Variants in LCT observed in about 807,000 individuals in gnomAD.
The protein encoded by LCT is lactase/phlorizin hydrolase.
In LCT, 90 loss-of-function variants were observed where a neutral mutation model predicts 173.0. The ratio of observed to expected loss-of-function variants is 0.52; its 90% CI spans 0.44 to 0.62. The LOEUF is 0.62. LCT is among the 20% of genes least tolerant of loss of function. LCT has a pLI of 0.00. For missense variants in LCT, 1,864 were observed against 2,431.4 expected, an observed-to-expected ratio of 0.77 and a Z score of 4.91; for synonymous variants, 853 against 957.6, an observed-to-expected ratio of 0.89 and a Z score of 2.02.
At chr2:135,808,136 C>T (rs1421456344) in intron 8 of LCT, among the ~76,000 whole-genome samples, 2 of 152,126 alleles carry the variant, frequency 1.3e-5, no homozygotes, top group South Asian at 2.1e-4. Context: ...TTGTTCATTG[C>T]TGTATTCCCA....
chr2:135,833,438 CTTCTT>C (rs1439043453), intron 1 of LCT, among the ~76,000 whole-genome samples: 1 of 99,272 alleles, frequency 1.0e-5, no homozygotes, highest in Non-Finnish European at 1.8e-5. Context: ...CCTTCCTAAA[CTTCTT>C]TTTTTTTTTT....
intron 5 of LCT, chr2:135,821,665 T>A (rs1413661833): frequency 7.0e-6 from 2 of 285,368 alleles, no homozygotes; most frequent in Non-Finnish European, 1.3e-5. Flanking sequence ...ATTTTTGTAA[T>A]TTTTTGTAGA....
intron 8 of LCT, 126 bp from the exon 9 acceptor site, chr2:135,807,522 A>T (rs2077687260): frequency 1.2e-6 from 1 of 847,444 alleles, no homozygotes; most frequent in Non-Finnish European, 2.0e-6. Context: ...ACCCTGAGAG[A>T]CCAACAGATC....
At position 135,829,579 on chromosome 2, in the gene LCT, AG is replaced by A; in HGVS notation, c.804+13del. 1 of 1,593,812 alleles carries A rather than the reference AG, an allele frequency of 6.3e-7. No homozygotes were observed. The highest frequency in any genetic ancestry group is 1.3e-5 in the African/African-American group (1 of 74,570). Reference sequence around the variant, plus strand: ...GCTGCATTCATCATTAATGTGGAAAAGGGCTCAAATTACCTGCAATTTACTC... The same window carrying A: ...GCTGCATTCATCATTAATGTGGAAAAGGCTCAAATTACCTGCAATTTACTC... On this transcript the variant is annotated intron_variant, in intron 3 of 16. Transcript: ENST00000264162.
chr2:135,807,129 T>G lies in LCT; in HGVS notation c.4172A>C (p.Gln1391Pro), dbSNP rs771753468. Residue 1391 changes from glutamine to proline, a missense_variant and splice_region_variant, in exon 9 of 17, where the codon CAG (glutamine) becomes CCG (proline). Coordinates refer to ENST00000264162, the MANE Select transcript of LCT (RefSeq NM_002299.4). ...FIWSAASAAYQIEGAWRADGK... is the reference protein window; with the variant it reads ...FIWSAASAAYPIEGAWRADGK... ...GTCCCACCATCCTGAACTCCTCACC[T>G]GATATGCAGCAGAAGCTGCACTCCA... 4.3e-6 allele frequency: 7 copies of G among 1,614,194 alleles called. No individual in the cohort carries two copies. The highest frequency in any genetic ancestry group is 5.9e-6 in the Non-Finnish European group (7 of 1,180,016).
At chr2:135,807,036 G>A (rs939075107) in intron 9 of LCT, 92 bp downstream of exon 9, 4 of 1,431,564 alleles carry the variant, frequency 2.8e-6, no homozygotes, top group East Asian at 2.3e-5. Context: ...GGAATCTCCT[G>A]TTCATGCATC....
intron 13 of LCT, among the ~76,000 whole-genome samples, 155 bp from the exon 14 acceptor site, chr2:135,794,930 G>A (rs1029051175): frequency 3.1e-4 from 3 of 9,694 alleles, no homozygotes; most frequent in Admixed American, 1.6e-3. Context: ...TCCTTCAGGC[G>A]GTGCAGGAAG....
chr2:135,828,115 C>T (rs1348917640), intron 3 of LCT, among the ~76,000 whole-genome samples: 1 of 152,158 alleles, frequency 6.6e-6, no homozygotes, highest in African/African-American at 2.4e-5. Flanking sequence ...ACCTCCGCCT[C>T]CCAGGTTCAA....
chr2:135,836,840 C>A lies in LCT; in HGVS notation c.330G>T (p.Val110=). 7.4e-6 allele frequency: 12 copies of A among 1,614,176 alleles called. No individual in the cohort carries two copies. Among genetic ancestry groups the A allele is most frequent in the Non-Finnish European group, 9.3e-6 (11 of 1,180,020 alleles). ...CCTTGAGGAGTCGCCGGTAGCACTG[C>A]ACTGTTTTCTCGTCTGGATTCTGGG... ...GSTQNPDEKT[V]QCYRRLLKAL... The change falls in exon 1 of 17, where the codon GTG becomes GTT. Residue 110 remains valine, a synonymous_variant. Coordinates refer to ENST00000264162, the MANE Select transcript of LCT (RefSeq NM_002299.4).
intron 4 of LCT, chr2:135,822,717 T>C (rs2164210): frequency 0.52 from 80,704 of 156,696 alleles, 25,063 homozygotes; most frequent in Non-Finnish European, 0.71. Flanking sequence ...AGGTGTGCTA[T>C]GGTTTGGATG....
intron 11 of LCT, among the ~76,000 whole-genome samples, 178 bp downstream of exon 11, chr2:135,803,752 G>A (rs1297698520): frequency 6.6e-6 from 1 of 152,234 alleles, no homozygotes; most frequent in African/African-American, 2.4e-5. Context: ...ATTGAGATGT[G>A]AAATTCATGT....
chr2:135,790,703 C>G lies in LCT; in HGVS notation c.5290G>C (p.Ala1764Pro). Residue 1764 changes from alanine to proline, a missense_variant, in exon 15 of 17, where the codon GCA becomes CCA. Physicochemically the swap from Ala to Pro is conservative, Grantham distance 27. Coordinates refer to ENST00000264162, the MANE Select transcript of LCT (RefSeq NM_002299.4). The surrounding 1 kb of genome is among the most constrained non-coding windows in gnomAD (Gnocchi z 4.1). ...TAAGTCCGAAGGTAGTAGATCCTTG[C>G]AGTGTCATTGAGGTCTGTTTCTTCC... ...QREETDLNDT[A>P]RIYYLRTYIN... is the part of the protein sequence containing the mutation. The G allele has an allele frequency of 1.2e-6, 2 of 1,613,384 alleles. No homozygotes were observed. The highest frequency in any genetic ancestry group is 8.5e-7 in the Non-Finnish European group (1 of 1,179,912).
chr2:135,788,302 T>A lies in LCT; in HGVS notation c.*22A>T. ...AGATGAAGAAACTAGGCCTGCTTCA[T>A]AGAACTTGAGGTGGTAACTCATCAG... On this transcript the variant is annotated 3_prime_UTR_variant, in exon 17 of 17. Transcript: ENST00000264162. 1 of 1,569,736 alleles carries A rather than the reference T, an allele frequency of 6.4e-7. No homozygotes were observed. The highest frequency in any genetic ancestry group is 8.8e-7 in the Non-Finnish European group (1 of 1,142,144).
Position 135,823,961 on chromosome 2 carries a change from GT to G in LCT, c.846del (p.Lys282AsnfsTer9). 6.2e-7 allele frequency: 1 copy of G among 1,614,072 alleles called. No homozygotes were observed. The highest frequency in any genetic ancestry group is 8.5e-7 in the Non-Finnish European group (1 of 1,179,930). ...TTCATGGTGGAGGGGCAGTCTGGGA[GT>G]TTTAGGTTGAAGATGAAAACTTTCA... ...PKVKVFIFNL[K>X]LPDCPSTMKN... On this transcript the variant is annotated frameshift_variant, in exon 4 of 17. Coordinates refer to ENST00000264162, the MANE Select transcript of LCT (RefSeq NM_002299.4). LOFTEE classifies it high-confidence loss of function.
chr2:135,814,644 G>A (rs2077764465), intron 6 of LCT, among the ~76,000 whole-genome samples: 1 of 151,608 alleles, frequency 6.6e-6, no homozygotes, highest in African/African-American at 2.4e-5. Context: ...ATCCTCCAGA[G>A]TAGCTGGGAC....
chr2:135,794,876 C>A (rs1441041383), intron 13 of LCT, 101 bp from the exon 14 acceptor site: 1 of 1,366,126 alleles, frequency 7.3e-7, no homozygotes. Flanking sequence ...GAACCCCAGG[C>A]ACTTGGCAGT....
chr2:135,832,061 ACAAAATTAGC>A lies in LCT; in HGVS notation c.720+1040_720+1049del, dbSNP rs530677889. 1.7e-3 allele frequency among the ~76,000 whole-genome samples: 255 copies of A among 152,140 alleles called. 3 individuals are homozygous for A. The highest frequency in any genetic ancestry group is 5.9e-3 in the African/African-American group (246 of 41,502). ...GTGAAACCCCATCTCTACTAAAAAT[ACAAAATTAGC>A]CGGGCGTGGTGGTGCACACCTGTAA... is the stretch of plus-strand genomic sequence containing the variant. On this transcript the variant is annotated intron_variant, in intron 2 of 16. Coordinates refer to ENST00000264162, the MANE Select transcript of LCT (RefSeq NM_002299.4).
Position 135,817,538 on chromosome 2 carries a change from G to A in LCT, c.1510C>T (p.Leu504=). ...TLFHWDLPQA[L]QDHGGWQNES... ...TTCTGCCATCCACCATGATCCTGCA[G>A]GGCCTGAGGCAGGTCCCAGTGGAAC... is the stretch of plus-strand genomic sequence containing the variant. Residue 504 remains leucine, a synonymous_variant, in exon 6 of 17, where the codon CTG becomes TTG. Coordinates refer to ENST00000264162, the MANE Select transcript of LCT (RefSeq NM_002299.4). The A allele has an allele frequency of 1.2e-6, 2 of 1,614,162 alleles. No individual in the cohort carries two copies. Among genetic ancestry groups the A allele is most frequent in the Non-Finnish European group, 1.7e-6 (2 of 1,180,042 alleles).
Position 135,809,757 on chromosome 2 carries a change from G to T in LCT, c.2590C>A (p.Pro864Thr), listed in dbSNP as rs1206046835. The T allele has an allele frequency of 6.2e-7, 1 of 1,614,216 alleles. No individual in the cohort carries two copies. Among genetic ancestry groups the T allele is most frequent in the Admixed American group, 1.7e-5 (1 of 60,032 alleles). The change falls in exon 8 of 17, where the codon CCC becomes ACC. Residue 864 changes from proline to threonine, a missense_variant. This residue lies in a region of LCT where 755 missense variants were observed against 926.3 expected (regional missense o/e 0.82). Coordinates refer to ENST00000264162, the MANE Select transcript of LCT (RefSeq NM_002299.4). This position sits in a 1 kb window ranked among gnomAD's most constrained non-coding sequence, Gnocchi z 5.5. ...AAAGTGAAGGCTCTGACTTTGGAGG[G>T]GAGGTTTACTGTATTAGGTGGTAGC... ...RLLPPNTVNL[P>T]SKVRAFTFPS...
Sources: gnomAD v4.1 joint callset for allele counts (sites outside exome capture counted in the v4.1 genomes callset) on GRCh38, gnomAD v4.1.1 for gene constraint, gnomAD v4.1.1 regional missense constraint, Gnocchi (gnomAD v3.1) non-coding constraint, MANE v1.5 for transcripts, NCBI Gene and HGNC (gene_info 2026-07-23, HGNC 2026-07-21) for gene names.